Variants in IREB2 observed in about 807,000 individuals in gnomAD.
The protein encoded by IREB2 is iron-responsive element-binding protein 2.
IREB2 carries 39 observed loss-of-function variants against 118.8 expected under a neutral mutation model. The ratio of observed to expected loss-of-function variants is 0.33; its 90% confidence interval spans 0.25 to 0.43. IREB2 has a LOEUF of 0.43. IREB2 is among the 20% of genes least tolerant of loss of function. The probability of loss-of-function intolerance (pLI) is 1.00; values close to 1 mark genes in which losing one functional copy is unlikely to be tolerated. For missense variants in IREB2, 900 were observed against 1,147.3 expected (o/e 0.78, Z 3.11); for synonymous variants, 372 against 392.2 (o/e 0.95, Z 0.61).
At chr15:78,464,326 T>C (rs139191067) in intron 3 of IREB2, among the ~76,000 whole-genome samples, 163 of 152,348 alleles carry the variant, frequency 1.1e-3, no homozygotes, top group African/African-American at 3.8e-3. Context: ...GATTATTTAT[T>C]GGAAGAGTTA....
intron 2 of IREB2, among the ~76,000 whole-genome samples, chr15:78,462,068 T>G (rs976985871): frequency 2.0e-5 from 3 of 152,176 alleles, no homozygotes; most frequent in Non-Finnish European, 4.4e-5. Flanking sequence ...TGATCTTATG[T>G]TTATTTTAAA....
At chr15:78,471,992 A>T in intron 7 of IREB2, 68 bp downstream of exon 7, 1 of 1,250,604 alleles carries the variant, frequency 8.0e-7, no homozygotes, top group Non-Finnish European at 1.1e-6. Flanking sequence ...GTAAAAGAAC[A>T]TAAATTATTG....
chr15:78,441,882 G>T (rs1213875628), intron 2 of IREB2, among the ~76,000 whole-genome samples: 1 of 151,542 alleles, frequency 6.6e-6, no homozygotes, highest in African/African-American at 2.4e-5. Context: ...CAGTACCCTG[G>T]TTTTTATTTT....
intron 11 of IREB2, 105 bp from the exon 12 acceptor site, chr15:78,484,656 A>T: frequency 1.3e-6 from 1 of 751,926 alleles, no homozygotes; most frequent in Non-Finnish European, 2.1e-6. Flanking sequence ...AAGGATTTTT[A>T]ATGTTAAATC....
At chr15:78,455,373 A>G (rs941817672) in intron 2 of IREB2, among the ~76,000 whole-genome samples, 1 of 152,158 alleles carries the variant, frequency 6.6e-6, no homozygotes, top group Non-Finnish European at 1.5e-5. Flanking sequence ...GAAAGGAAAT[A>G]AATGGGCCTT....
intron 10 of IREB2, among the ~76,000 whole-genome samples, chr15:78,480,707 T>C (rs1002510346): frequency 2.9e-5 from 1 of 34,032 alleles, no homozygotes; most frequent in Non-Finnish European, 6.8e-5. Flanking sequence ...AAAAAAAAAA[T>C]GTCTGGCCGG....
chr15:78,455,506 G>A (rs905263872), intron 2 of IREB2, among the ~76,000 whole-genome samples: 1 of 151,886 alleles, frequency 6.6e-6, no homozygotes, highest in African/African-American at 2.4e-5. Flanking sequence ...AAGGCTGGAG[G>A]ATTGCTCGAG....
At chr15:78,466,568 C>A in intron 5 of IREB2, 79 bp downstream of exon 5, 1 of 915,276 alleles carries the variant, frequency 1.1e-6, no homozygotes, top group Non-Finnish European at 1.7e-6. Context: ...TCTCTTCCCA[C>A]CCAATTACTA....
At position 78,466,356 on chromosome 15, in the gene IREB2, C is replaced by A. The variant is rs143069481; in HGVS notation, c.496C>A (p.Leu166Ile). ...LSPLKVQPKK[L>I]PCRGQTTCRG... The stretch of plus-strand genomic sequence containing the variant: ...TCCACTTAAAGTGCAGCCTAAGAAG[C>A]TTCCCTGCAGAGGCCAGACTACCTG... Residue 166 changes from leucine (L) to isoleucine (I), a missense_variant, in exon 5 of 22, where the codon CTT becomes ATT. Coordinates refer to ENST00000258886, the MANE Select transcript of IREB2 (RefSeq NM_004136.4). 3 of 1,613,894 alleles carry A rather than the reference C, an allele frequency of 1.9e-6. No individual in the cohort carries two copies. Among genetic ancestry groups the A allele is most frequent in the Non-Finnish European group, 2.5e-6 (3 of 1,179,784 alleles).
chr15:78,478,075 CA>C, intron 9 of IREB2, among the ~76,000 whole-genome samples: 1 of 143,070 alleles, frequency 7.0e-6, no homozygotes, highest in Non-Finnish European at 1.5e-5. Context: ...CTGTACAAAA[CA>C]TTTGTAAAAA....
intron 2 of IREB2, among the ~76,000 whole-genome samples, chr15:78,445,820 T>C (rs920798372): frequency 6.6e-6 from 1 of 152,226 alleles, no homozygotes; most frequent in Non-Finnish European, 1.5e-5. Context: ...GGTCTTGCTC[T>C]GTTGCCCAGG....
rs1181652577 is a variant in IREB2 at position 78,500,447 on chromosome 15, G to C, written c.*2304G>C. ...TGTATACCTTATAATTCTGCCTCTAGCCAAATGCTATGTTTGCAAAATGTG... is the reference window on the plus strand; with the variant it reads ...TGTATACCTTATAATTCTGCCTCTACCCAAATGCTATGTTTGCAAAATGTG... On this transcript the variant is annotated 3_prime_UTR_variant, in exon 22 of 22. Coordinates refer to ENST00000258886, the MANE Select transcript of IREB2 (RefSeq NM_004136.4). 1 of 150,804 alleles carries C rather than the reference G, an allele frequency of 6.6e-6. No individual in the cohort carries two copies. The highest frequency in any genetic ancestry group is 2.4e-5 in the African/African-American group (1 of 40,896). 9.3% of individuals were successfully genotyped at this position (150,804 alleles called of 1,614,324 possible). A position where few individuals can be genotyped will look rare whatever the true frequency, so the allele number is the denominator to read the frequency against.
chr15:78,466,169 T>A (rs1377291984), intron 4 of IREB2, 102 bp from the exon 5 acceptor site: 3 of 657,110 alleles, frequency 4.6e-6, no homozygotes, highest in East Asian at 5.5e-5. Flanking sequence ...TAAACATCAT[T>A]CAGTTACTTC....
rs574255615 is a variant in IREB2, at chr15:78,469,530, CCTGA to C, written c.630-999_630-996del. 7.8e-3 allele frequency among the ~76,000 whole-genome samples: 1,188 copies of C among 151,954 alleles called. 16 individuals are homozygous for C. Among genetic ancestry groups the C allele is most frequent in the African/African-American group, 0.027 (1,121 of 41,422 alleles). On this transcript the variant is annotated intron_variant, in intron 5 of 21. Transcript: ENST00000258886. The stretch of plus-strand genomic sequence containing the variant: ...CCTGAGATCGGGAGTTTGAGACCAG[CCTGA>C]CTAACATGGAGAAACCCCATCTCTA...
chr15:78,462,174 T>C (rs1185536295), intron 2 of IREB2, among the ~76,000 whole-genome samples: 1 of 152,182 alleles, frequency 6.6e-6, no homozygotes, highest in African/African-American at 2.4e-5. Context: ...CTTAATGATA[T>C]ATATTCTGGA....
At chr15:78,450,824 TTGTGTGTG>T (rs35092289) in intron 2 of IREB2, among the ~76,000 whole-genome samples, 21,767 of 133,968 alleles carry the variant, frequency 0.16, 1,702 homozygotes, top group Middle Eastern at 0.24. Context: ...ATTAACAAAT[TTGTGTGTG>T]TGTGTGTGTG....
intron 6 of IREB2, 88 bp downstream of exon 6, chr15:78,470,689 CTTTTTTTTT>C (rs67871183): frequency 6.2e-5 from 13 of 209,996 alleles, no homozygotes; most frequent in African/African-American, 1.4e-4. Flanking sequence ...TTTTCTTTTC[CTTTTTTTTT>C]TTTTTTTTTT....
At chr15:78,482,711 C>T (rs971254114) in intron 10 of IREB2, among the ~76,000 whole-genome samples, 2 of 151,390 alleles carry the variant, frequency 1.3e-5, no homozygotes, top group South Asian at 4.2e-4. Flanking sequence ...TCTGTTAAGA[C>T]AGTGTTTATC....
At chr15:78,487,629 C>G in intron 13 of IREB2, 104 bp from the exon 14 acceptor site, 1 of 684,250 alleles carries the variant, frequency 1.5e-6, no homozygotes, top group Non-Finnish European at 2.6e-6. Flanking sequence ...CATGAATAGT[C>G]TTTTAAGTAA....
Sources: gnomAD v4.1 joint callset for allele counts (sites outside exome capture counted in the v4.1 genomes callset) on GRCh38, gnomAD v4.1.1 for gene constraint, MANE v1.5 for transcripts, NCBI Gene and HGNC (gene_info 2026-07-23, HGNC 2026-07-21) for gene names.